Variants in NFAT5 observed in about 807,000 individuals in gnomAD.
The protein encoded by NFAT5 is nuclear factor of activated T-cells 5.
In NFAT5, 31 loss-of-function variants were observed where a neutral mutation model predicts 166.5. The observed-to-expected ratio is 0.19, with a 90% CI of 0.14 to 0.25. NFAT5 has a LOEUF of 0.25. NFAT5 is among the 10% of genes least tolerant of loss of function. The pLI, the probability that NFAT5 is intolerant of heterozygous loss-of-function variation, is 1.00. For missense variants in NFAT5, 1,449 were observed against 1,821.8 expected (o/e 0.80, Z 3.72); for synonymous variants, 612 against 639.7 (o/e 0.96, Z 0.65).
chr16:69,617,499 T>G (rs2034008130), intron 2 of NFAT5, among the ~76,000 whole-genome samples: 1 of 151,692 alleles, frequency 6.6e-6, no homozygotes, highest in African/African-American at 2.4e-5. Flanking sequence ...TCTTTTCTTT[T>G]TTTTTTTTTG....
intron 3 of NFAT5, among the ~76,000 whole-genome samples, chr16:69,643,737 T>C (rs927050508): frequency 3.9e-5 from 6 of 152,210 alleles, no homozygotes; most frequent in Non-Finnish European, 7.3e-5. Flanking sequence ...TACCAAATTT[T>C]TGGCTTCCCA....
In NFAT5 at chr16:69,655,781, G is replaced by C. The variant is rs1727641234; in HGVS notation, c.1178G>C (p.Ser393Thr). ...GTTATAGAAGTCGGCCTTGATCCTA[G>C]CAACAACATGACACTGGCGTAAGTA... ...TTVIEVGLDPSNNMTLAVDCV... is the reference protein window; with the variant it reads ...TTVIEVGLDPTNNMTLAVDCV... The change falls in exon 6 of 15, where the codon AGC (serine) becomes ACC (threonine). Residue 393 changes from serine (S) to threonine (T), a missense_variant. By Grantham distance (58) the Ser-to-Thr change is moderately conservative. Transcript: ENST00000349945. The C allele has an allele frequency of 1.2e-6, 2 of 1,612,460 alleles. No individual in the cohort carries two copies. The highest frequency in any genetic ancestry group is 1.7e-5 in the Admixed American group (1 of 59,898).
intron 7 of NFAT5, among the ~76,000 whole-genome samples, chr16:69,667,525 A>C (rs2036448810): frequency 6.6e-6 from 1 of 151,588 alleles, no homozygotes; most frequent in Non-Finnish European, 1.5e-5. Context: ...GTAACCGACT[A>C]GTTCTTTCTG....
intron 2 of NFAT5, among the ~76,000 whole-genome samples, chr16:69,607,604 A>G (rs1597391155): frequency 6.6e-6 from 1 of 152,330 alleles, no homozygotes; most frequent in East Asian, 1.9e-4. Context: ...AAATAGGTGT[A>G]GAAGGATTTC....
At chr16:69,666,814 A>G (rs1306644169) in intron 7 of NFAT5, among the ~76,000 whole-genome samples, 1 of 151,986 alleles carries the variant, frequency 6.6e-6, no homozygotes, top group Non-Finnish European at 1.5e-5. Context: ...CAGCCATCCC[A>G]TTACTGGGTA....
At position 69,624,930 on chromosome 16, in the gene NFAT5, G is replaced by A. The variant is rs935300703; in HGVS notation, c.128-1473G>A. On this transcript the variant is annotated intron_variant, in intron 2 of 14. Coordinates refer to ENST00000349945, the MANE Select transcript of NFAT5 (RefSeq NM_138713.4). The stretch of plus-strand genomic sequence containing the variant: ...AAAAAAAAAAAAAAGAAGGAGTTTC[G>A]CTCTTGTTGCCCAGGCTGGAGTGCA... 1.2e-4 allele frequency among the ~76,000 whole-genome samples: 18 copies of A among 149,324 alleles called. 1 individual carries two copies. Among genetic ancestry groups the A allele is most frequent in the African/African-American group, 2.7e-4 (11 of 40,620 alleles).
At chr16:69,673,140 G>T (rs1221531535) in intron 9 of NFAT5, among the ~76,000 whole-genome samples, 1 of 152,076 alleles carries the variant, frequency 6.6e-6, no homozygotes, top group East Asian at 1.9e-4. Context: ...AATAAGACAC[G>T]TGGTGGAATG....
chr16:69,653,539 A>T, intron 5 of NFAT5, 111 bp downstream of exon 5: 1 of 663,040 alleles, frequency 1.5e-6, no homozygotes, highest in Non-Finnish European at 2.3e-6. Context: ...CTCATATTTG[A>T]TATTTGAATT....
chr16:69,636,921 T>G (rs922021281), intron 3 of NFAT5, among the ~76,000 whole-genome samples: 2 of 152,240 alleles, frequency 1.3e-5, no homozygotes, highest in Admixed American at 6.5e-5. Flanking sequence ...CTTGAATTTC[T>G]CCCTAGAAAA....
intron 11 of NFAT5, among the ~76,000 whole-genome samples, chr16:69,689,200 C>A (rs1019881253): frequency 6.6e-6 from 1 of 152,076 alleles, no homozygotes; most frequent in Non-Finnish European, 1.5e-5. Context: ...TTGCCTGAGC[C>A]CAGGAGGTGG....
intron 3 of NFAT5, among the ~76,000 whole-genome samples, chr16:69,639,858 A>G (rs1380062605): frequency 6.6e-6 from 1 of 152,240 alleles, no homozygotes; most frequent in Non-Finnish European, 1.5e-5. Flanking sequence ...ATCTATAAAC[A>G]GAACAAATTG....
intron 2 of NFAT5, among the ~76,000 whole-genome samples, chr16:69,614,457 G>A (rs531965882): frequency 9.2e-5 from 14 of 152,292 alleles, no homozygotes; most frequent in East Asian, 3.9e-4. Context: ...TTTTGAATCC[G>A]TAGTAATTAA....
chr16:69,662,044 A>C (rs996262232), intron 7 of NFAT5, among the ~76,000 whole-genome samples: 2 of 152,202 alleles, frequency 1.3e-5, no homozygotes, highest in African/African-American at 4.8e-5. Flanking sequence ...GCAACAAAGC[A>C]AGACCCTGTC....
rs879292301 is a variant in NFAT5, at chr16:69,697,460, TA to T, written c.*1119del. ...AATAGGAAACAGTATAAATTTTAATTAAAAAAAAAAGGCAAACTAAAATTTC... is the reference window on the plus strand; with the variant it reads ...AATAGGAAACAGTATAAATTTTAATTAAAAAAAAAGGCAAACTAAAATTTC... On this transcript the variant is annotated 3_prime_UTR_variant, in exon 15 of 15. Coordinates refer to ENST00000349945, the MANE Select transcript of NFAT5 (RefSeq NM_138713.4). The T allele has an allele frequency of 4.1e-4, 61 of 147,890 alleles. No homozygotes were observed. The highest frequency in any genetic ancestry group is 1.0e-3 in the Admixed American group (15 of 14,760). 9.2% of individuals were successfully genotyped at this position (147,890 alleles called of 1,614,324 possible).
intron 11 of NFAT5, among the ~76,000 whole-genome samples, chr16:69,688,065 G>A (rs373045330): frequency 2.0e-5 from 3 of 150,658 alleles, no homozygotes; most frequent in Admixed American, 6.6e-5. Flanking sequence ...GCGCGGTGGC[G>A]GGCGCCTGTA....
chr16:69,655,072 C>T (rs140703594), intron 5 of NFAT5, among the ~76,000 whole-genome samples: 2 of 152,128 alleles, frequency 1.3e-5, no homozygotes, highest in Non-Finnish European at 1.5e-5. Context: ...GTCTCTCAGA[C>T]CATAATGTTT....
At chr16:69,677,044 G>A in intron 9 of NFAT5, 159 bp from the exon 10 acceptor site, 1 of 647,484 alleles carries the variant, frequency 1.5e-6, no homozygotes. Context: ...GCAGTGTTAA[G>A]ATTAATATCC....
chr16:69,643,388 A>C (rs569049384), intron 3 of NFAT5, among the ~76,000 whole-genome samples: 15 of 152,230 alleles, frequency 9.9e-5, no homozygotes, highest in Non-Finnish European at 1.6e-4. Context: ...TTAGCATTAG[A>C]AATTTAAAAT....
chr16:69,568,371 T>A, intron 1 of NFAT5, 124 bp from the exon 2 acceptor site: 1 of 388,632 alleles, frequency 2.6e-6, no homozygotes, highest in South Asian at 2.8e-5. Context: ...TGTGTGTGTG[T>A]GTGTGTATAT....
Sources: gnomAD v4.1 joint callset for allele counts (sites outside exome capture counted in the v4.1 genomes callset) on GRCh38, gnomAD v4.1.1 for gene constraint, MANE v1.5 for transcripts, NCBI Gene and HGNC (gene_info 2026-07-23, HGNC 2026-07-21) for gene names.